TOR1AIP2: variants seen among roughly 807,000 people sequenced by gnomAD.
TOR1AIP2 encodes torsin-1A-interacting protein 2.
In TOR1AIP2, 20 loss-of-function variants were observed where a neutral mutation model predicts 32.6. The ratio of observed to expected loss-of-function variants is 0.61; its 90% CI spans 0.43 to 0.89. The LOEUF (loss-of-function observed/expected upper bound fraction) is 0.89, where lower values mean the gene tolerates loss of function less well. Ranked by LOEUF, TOR1AIP2 falls within the 40% of genes least tolerant of loss-of-function variation. The probability of loss-of-function intolerance (pLI) is 0.00; values close to 1 mark genes in which losing one functional copy is unlikely to be tolerated. For missense variants in TOR1AIP2, 456 were observed against 553.8 expected (o/e 0.82, Z 1.77); for synonymous variants, 214 against 210.8 (o/e 1.02, Z -0.13).
chr1:179,865,178 T>G (rs781004365), intron 3 of TOR1AIP2: 2 of 1,594,596 alleles, frequency 1.3e-6, no homozygotes, highest in East Asian at 4.5e-5. Context: ...TGAAAACATC[T>G]GGACCTAGAA....
chr1:179,848,901 C>A (rs534936619), intron 5 of TOR1AIP2, among the ~76,000 whole-genome samples: 3 of 151,944 alleles, frequency 2.0e-5, no homozygotes, highest in Non-Finnish European at 4.4e-5. Flanking sequence ...GAGGCCGAGG[C>A]GGGCGGATCA....
At chr1:179,868,543 CTT>C in intron 2 of TOR1AIP2, 1 of 152,176 alleles carries the variant, frequency 6.6e-6, no homozygotes, top group African/African-American at 2.4e-5. Context: ...CAGTTGCACT[CTT>C]AGGCACATAC....
intron 2 of TOR1AIP2, chr1:179,868,840 T>A (rs902571099): frequency 7.9e-5 from 12 of 152,114 alleles, no homozygotes; most frequent in African/African-American, 2.9e-4. Flanking sequence ...AATTAATGTG[T>A]TGTTTAGGGA....
Position 179,846,497 on chromosome 1 carries a change from C to T in TOR1AIP2, c.987G>A (p.Gln329=). The change falls in exon 7 of 7, where the codon CAG becomes CAA. Residue 329 remains glutamine (Q), a synonymous_variant. Coordinates refer to ENST00000609928, the MANE Select transcript of TOR1AIP2 (RefSeq NM_001199260.2). ...YTSSQKVSPI[Q]IDGAGRTWQD... ...GCCAGGTCCTTCCAGCCCCATCAAT[C>T]TGAATGGGAGAGACTTTCTGGGAAG... The T allele has an allele frequency of 1.2e-6, 2 of 1,614,156 alleles. No individual in the cohort carries two copies. Among genetic ancestry groups the T allele is most frequent in the Non-Finnish European group, 8.5e-7 (1 of 1,180,030 alleles).
chr1:179,852,838 T>G, intron 3 of TOR1AIP2, 27 bp from the exon 4 acceptor site: 1 of 1,373,194 alleles, frequency 7.3e-7, no homozygotes. Context: ...AAAAATTAAA[T>G]GACTTTTTAT....
At chr1:179,864,277 C>T in intron 3 of TOR1AIP2, 2 of 984,714 alleles carry the variant, frequency 2.0e-6, no homozygotes, top group Non-Finnish European at 2.4e-6. Flanking sequence ...ATCTATCTAT[C>T]TATTTATATA....
At chr1:179,850,323 CAT>C (rs1696066435) in intron 5 of TOR1AIP2, among the ~76,000 whole-genome samples, 1 of 152,142 alleles carries the variant, frequency 6.6e-6, no homozygotes, top group Admixed American at 6.5e-5. Context: ...TTCCTCTTAA[CAT>C]ATAGGCAGAA....
chr1:179,846,711 T>C lies in TOR1AIP2; in HGVS notation c.773A>G (p.Gln258Arg), dbSNP rs771998135. Reference sequence around the variant, plus strand: ...AAATTTATCTTCCAATTGGCTAAACTGGGCCAAAAAGGCCTCCAAAGCTGG... The same window carrying C: ...AAATTTATCTTCCAATTGGCTAAACCGGGCCAAAAAGGCCTCCAAAGCTGG... The part of the protein sequence containing the change: ...KNPALEAFLA[Q>R]FSQLEDKFPG... Residue 258 changes from glutamine to arginine, a missense_variant, in exon 7 of 7, where the codon CAG becomes CGG. By Grantham distance (43) the Gln-to-Arg change is conservative (BLOSUM62 1). Transcript: ENST00000609928. 1.3e-5 allele frequency: 21 copies of C among 1,613,980 alleles called. No homozygotes were observed. In the South Asian group the frequency reaches 2.3e-4, roughly 18 times the overall value.
chr1:179,847,754 C>T (rs1277499993), intron 5 of TOR1AIP2, 118 bp from the exon 6 acceptor site: 11 of 715,468 alleles, frequency 1.5e-5, no homozygotes, highest in Non-Finnish European at 2.4e-5. Context: ...TATACCTTGG[C>T]CAGGTACGGT....
rs1291232527 is a variant in TOR1AIP2, at chr1:179,844,656, C to T, written c.*1415G>A. ...GTCCGTCAGTACTGAACATCAAAAC[C>T]TCTGAGAATCTACCCACCATTTCTG... On this transcript the variant is annotated 3_prime_UTR_variant, in exon 7 of 7. Transcript: ENST00000609928. 2 of 152,182 alleles carry T rather than the reference C, an allele frequency of 1.3e-5. No homozygotes were observed. Among genetic ancestry groups the T allele is most frequent in the African/African-American group, 4.8e-5 (2 of 41,458 alleles). 9.4% of individuals were successfully genotyped at this position (152,182 alleles called of 1,614,324 possible).
Position 179,845,889 on chromosome 1 carries a change from C to A in TOR1AIP2, c.*182G>T. 1.6e-6 allele frequency: 1 copy of A among 610,288 alleles called. No homozygotes were observed. The highest frequency in any genetic ancestry group is 2.6e-6 in the Non-Finnish European group (1 of 379,012). 37.8% of individuals were successfully genotyped at this position (610,288 alleles called of 1,614,324 possible). ...AGGTTAATTTTTAGCTTTGTCAAGGCTTAGATTAGAAAGATTTTACAAGGA... is the reference window on the plus strand; with the variant it reads ...AGGTTAATTTTTAGCTTTGTCAAGGATTAGATTAGAAAGATTTTACAAGGA... On this transcript the variant is annotated 3_prime_UTR_variant, in exon 7 of 7. Coordinates refer to ENST00000609928, the MANE Select transcript of TOR1AIP2 (RefSeq NM_001199260.2).
At chr1:179,863,378 G>C (rs1294191094) in intron 3 of TOR1AIP2, 1 of 985,102 alleles carries the variant, frequency 1.0e-6, no homozygotes, top group African/African-American at 1.7e-5. Context: ...AATTTGCTAG[G>C]GATTTTTGGG....
chr1:179,847,707 T>C, intron 5 of TOR1AIP2, 71 bp from the exon 6 acceptor site: 2 of 1,021,894 alleles, frequency 2.0e-6, no homozygotes, highest in Non-Finnish European at 1.5e-6. Flanking sequence ...TTTATATCTC[T>C]CACCAAACCA....
At chr1:179,858,255 CAG>C (rs1571674870) in intron 3 of TOR1AIP2, among the ~76,000 whole-genome samples, 1 of 151,968 alleles carries the variant, frequency 6.6e-6, no homozygotes, top group Non-Finnish European at 1.5e-5. Context: ...TTTGTCACTA[CAG>C]AGTGATATGT....
chr1:179,848,432 G>T (rs1432735161), intron 5 of TOR1AIP2, among the ~76,000 whole-genome samples: 1 of 152,180 alleles, frequency 6.6e-6, no homozygotes, highest in Non-Finnish European at 1.5e-5. Context: ...ATAGCTTACA[G>T]AAGCAAATTT....
At chr1:179,867,921 G>C (rs1425132933) in intron 2 of TOR1AIP2, 1 of 152,148 alleles carries the variant, frequency 6.6e-6, no homozygotes, top group East Asian at 1.9e-4. Flanking sequence ...CCACCAGGGG[G>C]CCCCAGAACT....
rs889038715 is a variant in TOR1AIP2 at position 179,845,812 on chromosome 1, T to A, written c.*259A>T. The A allele has an allele frequency of 4.9e-5, 18 of 364,808 alleles. No individual in the cohort carries two copies. Among genetic ancestry groups the A allele is most frequent in the Middle Eastern group, 1.5e-3 (2 of 1,350 alleles). The allele number at this position is 364,808 out of a possible 1,614,324, so 22.6% of individuals were successfully genotyped here. A position where few individuals can be genotyped will look rare whatever the true frequency, so the allele number is the denominator to read the frequency against. On this transcript the variant is annotated 3_prime_UTR_variant, in exon 7 of 7. Coordinates refer to ENST00000609928, the MANE Select transcript of TOR1AIP2 (RefSeq NM_001199260.2). The stretch of plus-strand genomic sequence containing the variant: ...ATATTTTAGAATTTAAAAAAAATTC[T>A]CATATATATCATCGATATTTCAAAC...
At chr1:179,864,990 C>G (rs777715629) in intron 3 of TOR1AIP2, 1 of 1,614,030 alleles carries the variant, frequency 6.2e-7, no homozygotes, top group Non-Finnish European at 8.5e-7. Context: ...CAAGGAAGAA[C>G]AAGGCTTCTA....
Position 179,852,807 on chromosome 1 carries a change from A to C in TOR1AIP2, c.-142T>G. The C allele has an allele frequency of 4.8e-6, 7 of 1,456,082 alleles. No homozygotes were observed. Among genetic ancestry groups the C allele is most frequent in the Non-Finnish European group, 5.5e-6 (6 of 1,100,836 alleles). The allele number at this position is 1,456,082 out of a possible 1,614,324, so 90.2% of individuals were successfully genotyped here. A position where few individuals can be genotyped will look rare whatever the true frequency, so the allele number is the denominator to read the frequency against. On this transcript the variant is annotated 5_prime_UTR_variant, in exon 4 of 7. Coordinates refer to ENST00000609928, the MANE Select transcript of TOR1AIP2 (RefSeq NM_001199260.2). ...GACCCAGGAAATAAGGCATATATAC[A>C]GTGACTAAAACAAAATGAAAAAAAA...
Sources: gnomAD v4.1 joint callset for allele counts (sites outside exome capture counted in the v4.1 genomes callset) on GRCh38, gnomAD v4.1.1 for gene constraint, MANE v1.5 for transcripts, NCBI Gene and HGNC (gene_info 2026-07-23, HGNC 2026-07-21) for gene names.